KCNQ1: variants seen among roughly 807,000 people sequenced by gnomAD.
KCNQ1 encodes potassium voltage-gated channel subfamily KQT member 1.
In KCNQ1, 49 loss-of-function variants were observed where a neutral mutation model predicts 72.4. That is an observed-to-expected ratio of 0.68 (90% CI 0.54 to 0.86). The LOEUF (loss-of-function observed/expected upper bound fraction) is 0.86, where lower values mean the gene tolerates loss of function less well. Ranked by LOEUF, KCNQ1 falls within the 40% of genes least tolerant of loss-of-function variation. KCNQ1 has a pLI of 0.00. For missense variants in KCNQ1, 790 were observed against 945.1 expected, an observed-to-expected ratio of 0.84 and a Z score of 2.15; for synonymous variants, 450 against 412.6, an observed-to-expected ratio of 1.09 and a Z score of -1.10.
In KCNQ1 at chr11:2,708,043, G is replaced by A. The variant is rs139203197; in HGVS notation, c.1514+45962G>A. 4.0e-3 allele frequency among the ~76,000 whole-genome samples: 615 copies of A among 152,348 alleles called. 5 individuals are homozygous for A. Among genetic ancestry groups the A allele is most frequent in the African/African-American group, 0.014 (586 of 41,582 alleles). On this transcript the variant is annotated intron_variant, in intron 11 of 15. Coordinates refer to ENST00000155840, the MANE Select transcript of KCNQ1 (RefSeq NM_000218.3). ...ACCTCCCAAAGCACCAGGCCCCTCAGGGCTGTTCCCCTGTTTCCCAAGATT... is the reference window on the plus strand; with the variant it reads ...ACCTCCCAAAGCACCAGGCCCCTCAAGGCTGTTCCCCTGTTTCCCAAGATT...
At chr11:2,504,104 A>G (rs1054921724) in intron 1 of KCNQ1, among the ~76,000 whole-genome samples, 16 of 152,262 alleles carry the variant, frequency 1.1e-4, no homozygotes, top group Admixed American at 3.3e-4. Context: ...ATGAATGGAT[A>G]AAGAAAATGC....
At position 2,678,851 on chromosome 11, in the gene KCNQ1, G is replaced by A. The variant is rs1477296087; in HGVS notation, c.1514+16770G>A. ...CTTCAAGGAAGGCAGAATCCAGGTC[G>A]GGGGTGCACAGGAGTTGCCAGCTGG... On this transcript the variant is annotated intron_variant, in intron 11 of 15. Coordinates refer to ENST00000155840, the MANE Select transcript of KCNQ1 (RefSeq NM_000218.3). This position sits in a 1 kb window ranked among gnomAD's most constrained non-coding sequence, Gnocchi z 4.9. 2.5e-5 allele frequency: 10 copies of A among 398,458 alleles called. No homozygotes were observed. Among genetic ancestry groups the A allele is most frequent in the Admixed American group, 4.4e-5 (1 of 22,720 alleles). 24.7% of individuals were successfully genotyped at this position (398,458 alleles called of 1,614,324 possible).
intron 1 of KCNQ1, among the ~76,000 whole-genome samples, chr11:2,517,193 G>A (rs534094374): frequency 6.6e-6 from 1 of 152,316 alleles, no homozygotes; most frequent in African/African-American, 2.4e-5. Flanking sequence ...GCGTCCAGGA[G>A]CCCCGTGCGC....
chr11:2,641,257 T>C, intron 10 of KCNQ1: 1 of 398,462 alleles, frequency 2.5e-6, no homozygotes. Context: ...TTCTATAGTA[T>C]TAATTTACAT....
At position 2,495,324 on chromosome 11, in the gene KCNQ1, GTC is replaced by G. The variant is rs1318633096; in HGVS notation, c.387-32600_387-32599del. On this transcript the variant is annotated intron_variant, in intron 1 of 15. Coordinates refer to ENST00000155840, the MANE Select transcript of KCNQ1 (RefSeq NM_000218.3). The surrounding 1 kb of genome is among the most constrained non-coding windows in gnomAD (Gnocchi z 4.6). ...TGATTTTTTTGGAAGGGTTTTTCAT[GTC>G]TCTATCTCCTTCAGTTCTGCTCTGA... Among the ~76,000 whole-genome samples the G allele has an allele frequency of 6.6e-6, 1 of 152,000 alleles. No homozygotes were observed. Among genetic ancestry groups the G allele is most frequent in the African/African-American group, 2.4e-5 (1 of 41,390 alleles).
intron 15 of KCNQ1, among the ~76,000 whole-genome samples, chr11:2,778,461 G>A (rs1035092117): frequency 9.2e-5 from 14 of 152,300 alleles, no homozygotes; most frequent in South Asian, 6.2e-4. Flanking sequence ...GGGGCCGGCC[G>A]AGGGCTCAGG....
At chr11:2,761,872 A>C (rs1324756580) in intron 11 of KCNQ1, among the ~76,000 whole-genome samples, 1 of 152,228 alleles carries the variant, frequency 6.6e-6, no homozygotes, top group African/African-American at 2.4e-5. Flanking sequence ...GCTGTGTTCT[A>C]GGGAGTTGGC....
chr11:2,681,041 G>C (rs1850388486), intron 11 of KCNQ1: 1 of 398,436 alleles, frequency 2.5e-6, no homozygotes, highest in Non-Finnish European at 4.4e-6. Flanking sequence ...GTGGACATTA[G>C]TGAAATGTGG....
In KCNQ1 at chr11:2,710,960, T is replaced by G. The variant is rs981342515; in HGVS notation, c.1514+48879T>G. ...TCAAGATTATTTTGGCTATTCTGGG[T>G]CCCTTGAATTTCCATATGAATTTTA... On this transcript the variant is annotated intron_variant, in intron 11 of 15. Coordinates refer to ENST00000155840, the MANE Select transcript of KCNQ1 (RefSeq NM_000218.3). This position sits in a 1 kb window ranked among gnomAD's most constrained non-coding sequence, Gnocchi z 4.1. Among the ~76,000 whole-genome samples, 5 of 152,144 alleles carry G rather than the reference T, an allele frequency of 3.3e-5. No homozygotes were observed. Among genetic ancestry groups the G allele is most frequent in the Non-Finnish European group, 5.9e-5 (4 of 68,018 alleles).
In KCNQ1 at chr11:2,645,902, T is replaced by A; in HGVS notation, c.1394-16059T>A. The A allele has an allele frequency of 2.5e-6, 1 of 398,612 alleles. No individual in the cohort carries two copies. The highest frequency in any genetic ancestry group is 4.4e-6 in the Non-Finnish European group (1 of 226,060). 24.7% of individuals were successfully genotyped at this position (398,612 alleles called of 1,614,324 possible). A position where few individuals can be genotyped will look rare whatever the true frequency, so the allele number is the denominator to read the frequency against. On this transcript the variant is annotated intron_variant, in intron 10 of 15. Coordinates refer to ENST00000155840, the MANE Select transcript of KCNQ1 (RefSeq NM_000218.3). This position sits in a 1 kb window ranked among gnomAD's most constrained non-coding sequence, Gnocchi z 5.8. ...ATCTCCCTCTCTGGGAGCTGTTCAT[T>A]GCCATTTCACAGTCTGTAGGTAGCC...
At chr11:2,531,606 C>T (rs1012962514) in intron 2 of KCNQ1, among the ~76,000 whole-genome samples, 3 of 152,194 alleles carry the variant, frequency 2.0e-5, no homozygotes, top group African/African-American at 7.2e-5. Context: ...CCCTGGTCAG[C>T]AGGAACCGGC....
chr11:2,838,780 C>A (rs1012439621), intron 15 of KCNQ1, among the ~76,000 whole-genome samples: 1 of 152,160 alleles, frequency 6.6e-6, no homozygotes, highest in Admixed American at 6.5e-5. Context: ...GCAGAGCGCT[C>A]GCTGGCTGCC....
At chr11:2,837,150 C>G (rs897690571) in intron 15 of KCNQ1, among the ~76,000 whole-genome samples, 1 of 152,142 alleles carries the variant, frequency 6.6e-6, no homozygotes, top group African/African-American at 2.4e-5. Flanking sequence ...CCTGGGCAGC[C>G]TCTCGAGTGT....
chr11:2,687,969 C>T lies in KCNQ1; in HGVS notation c.1514+25888C>T, dbSNP rs1850519784. The T allele has an allele frequency of 2.5e-6, 1 of 398,788 alleles. No individual in the cohort carries two copies. Among genetic ancestry groups the T allele is most frequent in the East Asian group, 3.6e-5 (1 of 28,082 alleles). The allele number at this position is 398,788 out of a possible 1,614,324, so 24.7% of individuals were successfully genotyped here. A position where few individuals can be genotyped will look rare whatever the true frequency, so the allele number is the denominator to read the frequency against. On this transcript the variant is annotated intron_variant, in intron 11 of 15. Transcript: ENST00000155840. This position sits in a 1 kb window ranked among gnomAD's most constrained non-coding sequence, Gnocchi z 5.0. ...CTGTGGGTCAGCCAGGCCGCTGCTT[C>T]CTGCTTCCCTTTGATGTCTCCTCGT...
intron 15 of KCNQ1, among the ~76,000 whole-genome samples, chr11:2,847,476 A>G (rs1373896281): frequency 6.6e-6 from 1 of 152,202 alleles, no homozygotes; most frequent in Non-Finnish European, 1.5e-5. Context: ...GAGAAGGAGG[A>G]GAGGAGAGCT....
chr11:2,726,987 G>C (rs1845775431), intron 11 of KCNQ1, among the ~76,000 whole-genome samples: 1 of 152,248 alleles, frequency 6.6e-6, no homozygotes, highest in South Asian at 2.1e-4. Flanking sequence ...GTTGGCCCTG[G>C]GCATGGAGGT....
chr11:2,766,852 G>A lies in KCNQ1; in HGVS notation c.1515-1992G>A, dbSNP rs989724267. 1.1e-4 allele frequency among the ~76,000 whole-genome samples: 17 copies of A among 151,396 alleles called. No homozygotes were observed. The highest frequency in any genetic ancestry group is 1.7e-4 in the African/African-American group (7 of 40,716). On this transcript the variant is annotated intron_variant, in intron 11 of 15. Coordinates refer to ENST00000155840, the MANE Select transcript of KCNQ1 (RefSeq NM_000218.3). This position sits in a 1 kb window ranked among gnomAD's most constrained non-coding sequence, Gnocchi z 4.4. The stretch of plus-strand genomic sequence containing the variant: ...TTCTGTATCAGTTACCTATTGTTGC[G>A]TAGCAAACTAGACCTAAATTTAGTG...
At position 2,623,411 on chromosome 11, in the gene KCNQ1, G is replaced by C; in HGVS notation, c.1393+34557G>C. On this transcript the variant is annotated intron_variant, in intron 10 of 15. Transcript: ENST00000155840. The surrounding 1 kb of genome is among the most constrained non-coding windows in gnomAD (Gnocchi z 5.2). Reference sequence around the variant, plus strand: ...TTTCACTGCCCTAAAAGTACTCTGTGCACTGCCTATTCAACCCTTCTTCCC... The same window carrying C: ...TTTCACTGCCCTAAAAGTACTCTGTCCACTGCCTATTCAACCCTTCTTCCC... 2.5e-6 allele frequency: 1 copy of C among 398,528 alleles called. No individual in the cohort carries two copies. Among genetic ancestry groups the C allele is most frequent in the Non-Finnish European group, 4.4e-6 (1 of 226,054 alleles). 24.7% of individuals were successfully genotyped at this position (398,528 alleles called of 1,614,324 possible). A position where few individuals can be genotyped will look rare whatever the true frequency, so the allele number is the denominator to read the frequency against.
chr11:2,583,630 C>A (rs907747996), intron 7 of KCNQ1, 85 bp downstream of exon 7: 2 of 914,256 alleles, frequency 2.2e-6, no homozygotes, highest in African/African-American at 1.6e-5. Flanking sequence ...TGTGAGCAGA[C>A]CCACTTACGT....
Sources: gnomAD v4.1 joint callset for allele counts (sites outside exome capture counted in the v4.1 genomes callset) on GRCh38, gnomAD v4.1.1 for gene constraint, Gnocchi (gnomAD v3.1) non-coding constraint, MANE v1.5 for transcripts, NCBI Gene and HGNC (gene_info 2026-07-23, HGNC 2026-07-21) for gene names.